CENPO: variants seen among roughly 807,000 people sequenced by gnomAD.
CENPO encodes centromere protein O.
In CENPO, 30 loss-of-function variants were observed where a neutral mutation model predicts 36.1. The observed-to-expected ratio is 0.83, with a 90% confidence interval of 0.62 to 1.13. The LOEUF is 1.13. Ranked by LOEUF, CENPO falls within the 50% of genes most tolerant of loss-of-function variation. CENPO has a pLI of 0.00. For missense variants in CENPO, 349 were observed against 357.8 expected, an observed-to-expected ratio of 0.98 and a Z score of 0.20; for synonymous variants, 171 against 142.3, an observed-to-expected ratio of 1.20 and a Z score of -1.44.
intron 3 of CENPO, among the ~76,000 whole-genome samples, chr2:24,812,998 C>G (rs1666769161): frequency 6.6e-6 from 1 of 150,728 alleles, no homozygotes; most frequent in Non-Finnish European, 1.5e-5. Flanking sequence ...GTAATCCCAG[C>G]ACTTTGGGAG....
rs193066455 is a variant in CENPO at position 24,796,134 on chromosome 2, T to A, written c.46+2169T>A. ...ACTTTGGGAGGCCAAAGCGGGTGGA[T>A]CACAAGGTCAGGAGTTCAAGACCAG... is the stretch of plus-strand genomic sequence containing the variant. On this transcript the variant is annotated intron_variant, in intron 2 of 7. Coordinates refer to ENST00000380834, the MANE Select transcript of CENPO (RefSeq NM_001322101.2). Among the ~76,000 whole-genome samples the A allele has an allele frequency of 3.6e-3, 546 of 151,898 alleles. 1 individual carries two copies. Among genetic ancestry groups the A allele is most frequent in the South Asian group, 4.0e-3 (19 of 4,802 alleles).
At chr2:24,812,651 C>G (rs1164545555) in intron 3 of CENPO, among the ~76,000 whole-genome samples, 1 of 152,048 alleles carries the variant, frequency 6.6e-6, no homozygotes, top group Non-Finnish European at 1.5e-5. Context: ...CACGTAAGAT[C>G]TTATTTGTCT....
chr2:24,805,277 C>G lies in CENPO; in HGVS notation c.216+5433C>G, dbSNP rs185797061. 2.9e-4 allele frequency among the ~76,000 whole-genome samples: 44 copies of G among 152,252 alleles called. No individual in the cohort carries two copies. In the East Asian group the frequency reaches 6.8e-3, roughly 23 times the overall value. On this transcript the variant is annotated intron_variant, in intron 3 of 7. Coordinates refer to ENST00000380834, the MANE Select transcript of CENPO (RefSeq NM_001322101.2). ...TCTTTGCCATGGGTTCGAACTTCCT[C>G]CTGTAGCTCGGAGTAGTTTGATCGT...
At chr2:24,817,333 G>GT (rs1666982572) in intron 6 of CENPO, among the ~76,000 whole-genome samples, 1 of 152,134 alleles carries the variant, frequency 6.6e-6, no homozygotes, top group Non-Finnish European at 1.5e-5. Flanking sequence ...TGGGTGAAAT[G>GT]TTTTTAGGAG....
At chr2:24,808,720 T>C (rs1387011766) in intron 3 of CENPO, among the ~76,000 whole-genome samples, 1 of 152,214 alleles carries the variant, frequency 6.6e-6, no homozygotes, top group African/African-American at 2.4e-5. Flanking sequence ...GTTTGATGTA[T>C]CATCTTTTTA....
At position 24,821,145 on chromosome 2, in the gene CENPO, C is replaced by T. The variant is rs567283392; in HGVS notation, c.*1827C>T. On this transcript the variant is annotated 3_prime_UTR_variant, in exon 8 of 8. Transcript: ENST00000380834. ...CTGGGACCTCACTCAGGAATGATAC[C>T]CCCTCAGTAGAAGCAGCAGGTGATC... is the stretch of plus-strand genomic sequence containing the variant. The T allele has an allele frequency of 2.3e-6, 1 of 439,442 alleles. No homozygotes were observed. Among genetic ancestry groups the T allele is most frequent in the African/African-American group, 2.0e-5 (1 of 50,012 alleles). The allele number at this position is 439,442 out of a possible 1,614,324, so 27.2% of individuals were successfully genotyped here.
chr2:24,815,524 G>T lies in CENPO; in HGVS notation c.362G>T (p.Gly121Val). The T allele has an allele frequency of 6.2e-7, 1 of 1,614,060 alleles. No individual in the cohort carries two copies. Among genetic ancestry groups the T allele is most frequent in the Non-Finnish European group, 8.5e-7 (1 of 1,179,924 alleles). Reference protein sequence around the residue: ...TGLSGKLTSRGVCVCISTAFE... With the variant: ...TGLSGKLTSRVVCVCISTAFE... ...CTCAGTGGTAAACTGACCAGCCGAG[G>T]AGTTTGTGTCTGCATCAGTACTGCT... The change falls in exon 5 of 8, where the codon GGA becomes GTA. Residue 121 changes from glycine to valine, a missense_variant. Physicochemically the swap from Gly to Val is moderately radical, Grantham distance 109 (BLOSUM62 -3). Coordinates refer to ENST00000380834, the MANE Select transcript of CENPO (RefSeq NM_001322101.2).
chr2:24,806,488 A>G (rs1439770542), intron 3 of CENPO, among the ~76,000 whole-genome samples: 2 of 152,204 alleles, frequency 1.3e-5, no homozygotes, highest in African/African-American at 4.8e-5. Context: ...AACATTTGTC[A>G]GGCACTACTG....
intron 2 of CENPO, among the ~76,000 whole-genome samples, chr2:24,795,703 C>T (rs1665869439): frequency 1.3e-5 from 2 of 152,126 alleles, no homozygotes; most frequent in East Asian, 1.9e-4. Flanking sequence ...TTTGGTGAGG[C>T]GTCTCCTCTA....
Position 24,808,258 on chromosome 2 carries a change from C to T in CENPO, c.217-6118C>T, listed in dbSNP as rs544190239. Among the ~76,000 whole-genome samples the T allele has an allele frequency of 7.2e-5, 11 of 151,732 alleles. No homozygotes were observed. In the South Asian group the frequency reaches 2.3e-3, roughly 32 times the overall value. On this transcript the variant is annotated intron_variant, in intron 3 of 7. Transcript: ENST00000380834. ...TTGAGACAGAGTCTCACTTTGTTGC[C>T]CAGGCAGGAGTGCAGTGGCACGATC... is the stretch of plus-strand genomic sequence containing the variant.
chr2:24,811,752 C>CG lies in CENPO; in HGVS notation c.217-2623dup, dbSNP rs1362062485. Among the ~76,000 whole-genome samples the CG allele has an allele frequency of 3.9e-5, 6 of 152,222 alleles. No homozygotes were observed. In the East Asian group the frequency reaches 1.2e-3, roughly 29 times the overall value. On this transcript the variant is annotated intron_variant, in intron 3 of 7. Transcript: ENST00000380834. ...CTGGGATTACAGGCGTGAGCCACTG[C>CG]GCCCGGCCAATTTTTTTGTATTTTT... is the stretch of plus-strand genomic sequence containing the variant.
At position 24,815,769 on chromosome 2, in the gene CENPO, G is replaced by A; in HGVS notation, c.594+13G>A. On this transcript the variant is annotated intron_variant, in intron 5 of 7. Transcript: ENST00000380834. ...AGACCGGCTTCAGGTATCTCTCTGGGATGTTATATGCCTCATCCGTGGGCC... is the reference window on the plus strand; with the variant it reads ...AGACCGGCTTCAGGTATCTCTCTGGAATGTTATATGCCTCATCCGTGGGCC... The A allele has an allele frequency of 6.2e-7, 1 of 1,613,600 alleles. No individual in the cohort carries two copies. The highest frequency in any genetic ancestry group is 1.1e-5 in the South Asian group (1 of 91,046).
At chr2:24,799,455 T>A (rs1414972999) in intron 2 of CENPO, among the ~76,000 whole-genome samples, 1 of 152,160 alleles carries the variant, frequency 6.6e-6, no homozygotes, top group Admixed American at 6.5e-5. Flanking sequence ...TTGAGGAGGA[T>A]CCTGTTTTAC....
In CENPO at chr2:24,810,967, A is replaced by G. The variant is rs543634976; in HGVS notation, c.217-3409A>G. On this transcript the variant is annotated intron_variant, in intron 3 of 7. Coordinates refer to ENST00000380834, the MANE Select transcript of CENPO (RefSeq NM_001322101.2). ...ATTATTGTTATTTTTTTTTTGAGAC[A>G]GAGTCTCACTCTGTCGCCCAGGCTG... Among the ~76,000 whole-genome samples the G allele has an allele frequency of 8.6e-4, 129 of 149,632 alleles. 1 individual carries two copies. Among genetic ancestry groups the G allele is most frequent in the African/African-American group, 3.1e-3 (126 of 40,676 alleles).
chr2:24,809,565 TG>T (rs1253656889), intron 3 of CENPO, among the ~76,000 whole-genome samples: 5 of 152,224 alleles, frequency 3.3e-5, no homozygotes, highest in Admixed American at 2.0e-4. Context: ...TTTTTTGTAT[TG>T]TTTTTTCCTT....
Position 24,820,971 on chromosome 2 carries a change from C to T in CENPO, c.*1653C>T. On this transcript the variant is annotated 3_prime_UTR_variant, in exon 8 of 8. Transcript: ENST00000380834. ...AATGTAACACATCATTGTCCTCATT[C>T]AACTTGGCTGTATGCTATTGGAGGG... The T allele has an allele frequency of 7.1e-7, 1 of 1,407,116 alleles. No homozygotes were observed. Among genetic ancestry groups the T allele is most frequent in the East Asian group, 2.3e-5 (1 of 42,564 alleles). The allele number at this position is 1,407,116 out of a possible 1,614,324, so 87.2% of individuals were successfully genotyped here.
chr2:24,804,735 C>T (rs1666306827), intron 3 of CENPO, among the ~76,000 whole-genome samples: 1 of 152,176 alleles, frequency 6.6e-6, no homozygotes, highest in Admixed American at 6.5e-5. Context: ...GGTAGCCCGA[C>T]CTTTCTCTCT....
At chr2:24,810,504 G>GT (rs35287429) in intron 3 of CENPO, among the ~76,000 whole-genome samples, 3,465 of 114,068 alleles carry the variant, frequency 0.03, 184 homozygotes, top group African/African-American at 0.097. Flanking sequence ...GCAGGTTAAG[G>GT]TTTTTTTTTT....
At chr2:24,803,253 A>G (rs1470134763) in intron 3 of CENPO, among the ~76,000 whole-genome samples, 2 of 150,934 alleles carry the variant, frequency 1.3e-5, no homozygotes, top group Admixed American at 6.6e-5. Flanking sequence ...CGGTCTATCA[A>G]TTTTGTTGAT....
Sources: allele counts gnomAD v4.1 joint callset (sites outside exome capture counted in the v4.1 genomes callset), GRCh38; gene constraint gnomAD v4.1.1; transcripts MANE v1.5; gene names NCBI Gene and HGNC (gene_info 2026-07-23, HGNC 2026-07-21).